Variants in ZNF582 observed in about 807,000 individuals in gnomAD.
ZNF582 encodes zinc finger protein 582.
ZNF582 carries 14 observed loss-of-function variants against 12.3 expected under a neutral mutation model. The observed-to-expected ratio is 1.14, with a 90% CI of 0.75 to 1.78. The LOEUF (loss-of-function observed/expected upper bound fraction) is 1.78, where lower values mean the gene tolerates loss of function less well. ZNF582 is among the 40% of genes most tolerant of loss of function. The pLI is 0.00. For missense variants in ZNF582, 567 were observed against 616.5 expected (o/e 0.92, Z 0.85); for synonymous variants, 210 against 207.2 (o/e 1.01, Z -0.11).
chr19:56,391,992 C>A (rs1440373346), intron 1 of ZNF582, among the ~76,000 whole-genome samples, 160 bp from the exon 2 acceptor site: 1 of 152,136 alleles, frequency 6.6e-6, no homozygotes, highest in Non-Finnish European at 1.5e-5. Flanking sequence ...CCAGCTTTAG[C>A]TGCTGCAAGG....
At chr19:56,385,108 C>T (rs1321972449) in exon 5 of ZNF582, 2 of 1,613,852 alleles carry the variant, frequency 1.2e-6, no homozygotes, top group Admixed American at 1.7e-5. Flanking sequence ...TTTCCATTAT[C>T]TCCCATTGGG....
chr19:56,388,778 A>ATG (rs1408956111), intron 4 of ZNF582, among the ~76,000 whole-genome samples: 296 of 152,268 alleles, frequency 1.9e-3, no homozygotes, highest in Admixed American at 2.3e-3. Context: ...GATTATAGGC[A>ATG]CGTGCCACCA....
chr19:56,385,073 C>T (rs1455765393), exon 5 of ZNF582: 2 of 1,614,094 alleles, frequency 1.2e-6, no homozygotes, highest in Non-Finnish European at 1.7e-6. Flanking sequence ...GAAACTTGAA[C>T]ACTCAAGACC....
exon 5 of ZNF582, chr19:56,384,290 A>C: frequency 6.2e-7 from 1 of 1,613,964 alleles, no homozygotes; most frequent in East Asian, 2.2e-5. Context: ...GCTCACTCTA[A>C]AGGCCTTTCC....
At chr19:56,384,716 T>C in exon 5 of ZNF582, 1 of 1,612,376 alleles carries the variant, frequency 6.2e-7, no homozygotes. Context: ...ATTGAAGGCC[T>C]TTCCACATTC....
chr19:56,387,434 A>C (rs1266376717), intron 4 of ZNF582: 1 of 152,236 alleles, frequency 6.6e-6, no homozygotes, highest in Non-Finnish European at 1.5e-5. Flanking sequence ...AATCAACAGT[A>C]ACTGGATGTT....
chr19:56,393,101 C>T (rs2042030202), intron 1 of ZNF582, 119 bp downstream of exon 1: 1 of 872,132 alleles, frequency 1.1e-6, no homozygotes, highest in Admixed American at 3.2e-5. Context: ...GGTCTTGTAA[C>T]TCTCTGAGAA....
chr19:56,387,672 A>G (rs888048577), intron 4 of ZNF582: 2 of 152,186 alleles, frequency 1.3e-5, no homozygotes, highest in African/African-American at 4.8e-5. Flanking sequence ...ATCATATTAT[A>G]CTACAACCTC....
exon 3 of ZNF582, chr19:56,390,483 C>T: frequency 6.2e-7 from 1 of 1,614,090 alleles, no homozygotes; most frequent in Non-Finnish European, 8.5e-7. Flanking sequence ...ATGGCCACAT[C>T]CCTGAACAAT....
intron 3 of ZNF582, 111 bp from the exon 4 acceptor site, chr19:56,390,207 G>A: frequency 7.4e-7 from 1 of 1,351,906 alleles, no homozygotes; most frequent in South Asian, 1.3e-5. Context: ...GCCAGAGGAA[G>A]ATGGGACAGT....
exon 5 of ZNF582, chr19:56,383,202 G>GT (rs1381550605): frequency 6.6e-6 from 1 of 152,280 alleles, no homozygotes; most frequent in African/African-American, 2.4e-5. Context: ...ATAAAACAAT[G>GT]TAACAATGTG....
At chr19:56,390,469 G>A in exon 3 of ZNF582, 1 of 1,614,122 alleles carries the variant, frequency 6.2e-7, no homozygotes, top group Non-Finnish European at 8.5e-7. Context: ...CTTGGGAGAA[G>A]ACTATGGCCA....
rs10427126 is a variant in ZNF582 at position 56,391,826 on chromosome 19, G to A, written c.-74C>T. On this transcript the variant is annotated 5_prime_UTR_variant, in exon 2 of 5. Transcript: ENST00000586929. ...TTGGGGAAGGGCAGAGTCCTGCGAC[G>A]GTAGAGCTGGGGGAGGAAAGAGCAA... The A allele has an allele frequency of 1.6e-4, 260 of 1,613,824 alleles. No homozygotes were observed. In the African/African-American group the frequency reaches 2.6e-3, roughly 16 times the overall value.
chr19:56,385,007 C>G lies in ZNF582; in HGVS notation c.410G>C (p.Arg137Thr), dbSNP rs149575476. Reference sequence around the variant, plus strand: ...TCTGATGATCATCTGATGGAAATGTCTGTCTGGATTTCCCTGTTGTCTGTC... The same window carrying G: ...TCTGATGATCATCTGATGGAAATGTGTGTCTGGATTTCCCTGTTGTCTGTC... Residue 137 changes from arginine to threonine, a missense_variant, in exon 5 of 5, where the codon AGA becomes ACA. Coordinates refer to ENST00000586929, the Ensembl canonical transcript of ZNF582. The G allele has an allele frequency of 1.3e-4, 213 of 1,614,088 alleles. No individual in the cohort carries two copies. The highest frequency in any genetic ancestry group is 4.2e-4 in the Admixed American group (25 of 60,010).
intron 4 of ZNF582, 105 bp downstream of exon 4, chr19:56,389,896 T>TCGG: frequency 5.9e-6 from 5 of 852,148 alleles, no homozygotes; most frequent in South Asian, 3.2e-5. Context: ...AGACATAAGC[T>TCGG]TTGAAGGTAG....
exon 5 of ZNF582, chr19:56,384,653 T>C (rs2041949050): frequency 1.2e-6 from 2 of 1,614,174 alleles, no homozygotes; most frequent in South Asian, 1.1e-5. Context: ...TTTACATTCA[T>C]ACGGTTTCTC....
exon 1 of ZNF582, chr19:56,393,279 G>C: frequency 2.4e-6 from 3 of 1,242,820 alleles, no homozygotes; most frequent in Non-Finnish European, 3.1e-6. Context: ...GCCAGAAAGC[G>C]CACGCCGCGA....
intron 1 of ZNF582, 80 bp downstream of exon 1, chr19:56,393,140 T>TAAA (rs11439847): frequency 1.4e-4 from 137 of 993,042 alleles, no homozygotes; most frequent in East Asian, 3.3e-4. Flanking sequence ...CCTCTCAGAT[T>TAAA]AAAAAAAAAA....
At chr19:56,390,024 A>T in exon 4 of ZNF582, 1 of 1,613,218 alleles carries the variant, frequency 6.2e-7, no homozygotes, top group Middle Eastern at 1.7e-4. Context: ...TCCAGACACC[A>T]CTCTCTCCAC....
Sources: gnomAD v4.1 joint callset for allele counts (sites outside exome capture counted in the v4.1 genomes callset) on GRCh38, gnomAD v4.1.1 for gene constraint, MANE v1.5 for transcripts, NCBI Gene and HGNC (gene_info 2026-07-23, HGNC 2026-07-21) for gene names.